ADAMTS17: variants seen among roughly 807,000 people sequenced by gnomAD.
ADAMTS17 encodes ADAM metallopeptidase with thrombospondin type 1 motif 17, also known as A disintegrin and metalloproteinase with thrombospondin motifs 17.
ADAMTS17 carries 113 observed loss-of-function variants against 141.5 expected under a neutral mutation model. That is an observed-to-expected ratio of 0.80 (90% CI 0.69 to 0.93). The LOEUF is 0.93. Among genes scored for constraint, ADAMTS17 ranks in the 40% least tolerant of loss-of-function variants. The pLI, the probability that ADAMTS17 is intolerant of heterozygous loss-of-function variation, is 0.00. For missense variants in ADAMTS17, 1,659 were observed against 1,517.9 expected (o/e 1.09, Z -1.54); for synonymous variants, 768 against 630.6 (o/e 1.22, Z -3.27).
intron 8 of ADAMTS17, among the ~76,000 whole-genome samples, chr15:100,186,714 A>C (rs961612500): frequency 1.3e-5 from 2 of 152,162 alleles, no homozygotes; most frequent in African/African-American, 4.8e-5. Flanking sequence ...ACAGTTCTCC[A>C]TATTTCCCCA....
rs1036176176 is a variant in ADAMTS17, at chr15:99,971,617, C to G, written c.*2785G>C. ...GGGTACAGTATGTAATGCAAGTTAACGAATGGAAAATAGATACATTTGACT... is the reference window on the plus strand; with the variant it reads ...GGGTACAGTATGTAATGCAAGTTAAGGAATGGAAAATAGATACATTTGACT... On this transcript the variant is annotated 3_prime_UTR_variant, in exon 22 of 22. Transcript: ENST00000268070. 6.6e-6 allele frequency: 1 copy of G among 151,968 alleles called. No homozygotes were observed. Among genetic ancestry groups the G allele is most frequent in the South Asian group, 2.1e-4 (1 of 4,804 alleles). The allele number at this position is 151,968 out of a possible 1,614,324, so 9.4% of individuals were successfully genotyped here.
At chr15:100,058,702 A>G (rs1414452888) in intron 15 of ADAMTS17, among the ~76,000 whole-genome samples, 1 of 152,208 alleles carries the variant, frequency 6.6e-6, no homozygotes, top group Non-Finnish European at 1.5e-5. Flanking sequence ...AGGTGGAGAT[A>G]GAGCCACTAG....
chr15:100,298,011 C>A (rs1332642787), intron 3 of ADAMTS17, among the ~76,000 whole-genome samples: 3 of 151,912 alleles, frequency 2.0e-5, no homozygotes, highest in Non-Finnish European at 4.4e-5. Flanking sequence ...GAGGGGCTGA[C>A]TGAACAACAG....
intron 15 of ADAMTS17, among the ~76,000 whole-genome samples, chr15:100,078,201 T>C (rs1017541603): frequency 6.8e-6 from 1 of 146,464 alleles, no homozygotes; most frequent in Non-Finnish European, 1.5e-5. Context: ...GTAATCCCTA[T>C]AAAAAAATCC....
intron 8 of ADAMTS17, among the ~76,000 whole-genome samples, chr15:100,196,615 A>G (rs2041128152): frequency 6.6e-6 from 1 of 152,246 alleles, no homozygotes; most frequent in Admixed American, 6.5e-5. Flanking sequence ...CCGGTGGGTG[A>G]GCCACCTGGA....
At chr15:100,186,477 C>T (rs2040722058) in intron 8 of ADAMTS17, among the ~76,000 whole-genome samples, 1 of 152,182 alleles carries the variant, frequency 6.6e-6, no homozygotes, top group African/African-American at 2.4e-5. Context: ...TCTGAATTGC[C>T]GCATACCCTT....
intron 14 of ADAMTS17, among the ~76,000 whole-genome samples, chr15:100,104,032 A>C (rs569477086): frequency 1.3e-5 from 2 of 152,320 alleles, no homozygotes; most frequent in South Asian, 4.1e-4. Context: ...AAATTATGGT[A>C]CCAAGGAAGT....
intron 18 of ADAMTS17, among the ~76,000 whole-genome samples, chr15:100,022,139 C>T (rs2061417401): frequency 6.6e-6 from 1 of 152,146 alleles, no homozygotes; most frequent in Non-Finnish European, 1.5e-5. Flanking sequence ...GGTTGAAACT[C>T]ATTTGTTTCT....
intron 7 of ADAMTS17, among the ~76,000 whole-genome samples, chr15:100,233,681 T>C (rs1343665460): frequency 6.6e-6 from 1 of 152,024 alleles, no homozygotes; most frequent in Non-Finnish European, 1.5e-5. Flanking sequence ...GAAAACTAAA[T>C]GGAGAGGCCG....
chr15:100,097,708 C>G (rs556981890), intron 14 of ADAMTS17, among the ~76,000 whole-genome samples: 114 of 152,360 alleles, frequency 7.5e-4, no homozygotes, highest in Non-Finnish European at 1.3e-3. Context: ...TCTGACCCAG[C>G]AGGTCTGGGT....
chr15:100,216,095 C>A (rs1310776032), intron 7 of ADAMTS17, among the ~76,000 whole-genome samples: 3 of 152,210 alleles, frequency 2.0e-5, no homozygotes, highest in African/African-American at 7.2e-5. Context: ...CCACTTCCCA[C>A]CTGGGTGACT....
At chr15:100,033,482 G>A (rs1255304895) in intron 18 of ADAMTS17, among the ~76,000 whole-genome samples, 2 of 152,156 alleles carry the variant, frequency 1.3e-5, no homozygotes, top group East Asian at 3.8e-4. Flanking sequence ...AGAATGGGTT[G>A]GACAGTCTTC....
chr15:100,287,303 C>T (rs28813982), intron 3 of ADAMTS17, among the ~76,000 whole-genome samples: 2,680 of 152,094 alleles, frequency 0.018, 94 homozygotes, highest in African/African-American at 0.061. Flanking sequence ...TCACAGAGTT[C>T]GAAGACTGGT....
At chr15:100,110,238 T>A (rs1398666323) in intron 13 of ADAMTS17, among the ~76,000 whole-genome samples, 1 of 133,556 alleles carries the variant, frequency 7.5e-6, no homozygotes, top group Non-Finnish European at 1.5e-5. Context: ...TTTATATAAA[T>A]ATATATATAT....
chr15:100,153,599 G>C (rs2039293274), intron 9 of ADAMTS17, among the ~76,000 whole-genome samples: 2 of 152,182 alleles, frequency 1.3e-5, no homozygotes, highest in Admixed American at 6.5e-5. Context: ...AGCCAAGATA[G>C]CGCCACTGCA....
At chr15:99,990,651 G>A (rs1391127855) in intron 20 of ADAMTS17, among the ~76,000 whole-genome samples, 5 of 150,874 alleles carry the variant, frequency 3.3e-5, no homozygotes, top group African/African-American at 1.2e-4. Context: ...TACTCAAAGG[G>A]TTTGGGGAAC....
At chr15:100,099,334 ATT>A (rs1284850953) in intron 14 of ADAMTS17, among the ~76,000 whole-genome samples, 2 of 152,128 alleles carry the variant, frequency 1.3e-5, no homozygotes, top group African/African-American at 4.8e-5. Context: ...GAACGGGGGC[ATT>A]TTCTTCCATT....
At chr15:100,314,886 G>T (rs1441457280) in intron 3 of ADAMTS17, among the ~76,000 whole-genome samples, 1 of 152,228 alleles carries the variant, frequency 6.6e-6, no homozygotes, top group South Asian at 2.1e-4. Flanking sequence ...AAGAGCAGCA[G>T]AGACCTGGGA....
intron 12 of ADAMTS17, among the ~76,000 whole-genome samples, chr15:100,127,459 T>C (rs1191935161): frequency 6.6e-6 from 1 of 152,218 alleles, no homozygotes; most frequent in Non-Finnish European, 1.5e-5. Flanking sequence ...AAGGAAGCAC[T>C]GTGCTGACAC....
Sources: gnomAD v4.1 joint callset for allele counts (sites outside exome capture counted in the v4.1 genomes callset) on GRCh38, gnomAD v4.1.1 for gene constraint, MANE v1.5 for transcripts, NCBI Gene and HGNC (gene_info 2026-07-23, HGNC 2026-07-21) for gene names.